Variants in RABGAP1L observed in about 807,000 individuals in gnomAD.
The protein encoded by RABGAP1L is rab GTPase-activating protein 1-like.
Under a neutral mutation model 137.7 loss-of-function variants are expected in RABGAP1L, and 63 were observed. The observed-to-expected ratio is 0.46, with a 90% CI of 0.37 to 0.56. RABGAP1L has a LOEUF of 0.56. Among genes scored for constraint, RABGAP1L ranks in the 20% least tolerant of loss-of-function variants. RABGAP1L has a pLI of 0.00. For missense variants in RABGAP1L, 1,095 were observed against 1,244.0 expected (o/e 0.88, Z 1.80); for synonymous variants, 431 against 433.7 (o/e 0.99, Z 0.08).
chr1:174,550,889 TATATATACACACACAC>T (rs1315724525), intron 13 of RABGAP1L, among the ~76,000 whole-genome samples: 1 of 87,038 alleles, frequency 1.1e-5, no homozygotes, highest in Non-Finnish European at 1.9e-5. Flanking sequence ...TATATATATA[TATATATACACACACAC>T]ATATACACAC....
At position 174,551,003 on chromosome 1, in the gene RABGAP1L, T is replaced by C. The variant is rs561652587; in HGVS notation, c.1711-86372T>C. On this transcript the variant is annotated intron_variant, in intron 13 of 25. Coordinates refer to ENST00000681986, the MANE Select transcript of RABGAP1L (RefSeq NM_001366446.1). ...ATATACATATATATATATACACATA[T>C]ATATATATATATATATATACATACA... Among the ~76,000 whole-genome samples the C allele has an allele frequency of 3.7e-4, 42 of 114,358 alleles. 1 individual carries two copies. Among genetic ancestry groups the C allele is most frequent in the South Asian group, 1.9e-3 (7 of 3,658 alleles). 75.0% of individuals were successfully genotyped at this position (114,358 alleles called of 152,430 possible).
rs567123450 is a variant in RABGAP1L, at chr1:174,270,141, A to T, written c.987-2273A>T. ...TTTCCTGTTTGCTAGAAGAGGGAGC[A>T]GAGTCCCAGGGGGTTAGGTGCTTTC... On this transcript the variant is annotated intron_variant, in intron 7 of 25. Coordinates refer to ENST00000681986, the MANE Select transcript of RABGAP1L (RefSeq NM_001366446.1). 6.6e-5 allele frequency among the ~76,000 whole-genome samples: 10 copies of T among 151,762 alleles called. No individual in the cohort carries two copies. In the South Asian group the frequency reaches 2.1e-3, roughly 32 times the overall value.
chr1:174,931,990 G>GTTTTTTTTTTTTTTTTTTT (rs532860564), intron 19 of RABGAP1L, among the ~76,000 whole-genome samples: 2 of 69,644 alleles, frequency 2.9e-5, no homozygotes, highest in Non-Finnish European at 5.4e-5. Flanking sequence ...TGCTTTTTTG[G>GTTTTTTTTTTTTTTTTTTT]TTTTTTTTTT....
At chr1:174,779,927 G>A (rs968868367) in intron 18 of RABGAP1L, among the ~76,000 whole-genome samples, 2 of 151,924 alleles carry the variant, frequency 1.3e-5, no homozygotes, top group African/African-American at 2.4e-5. Context: ...TTAGCTTGGT[G>A]TGGTGGGAGG....
At chr1:174,354,674 A>G (rs992837059) in intron 11 of RABGAP1L, among the ~76,000 whole-genome samples, 2 of 152,000 alleles carry the variant, frequency 1.3e-5, no homozygotes, top group Non-Finnish European at 2.9e-5. Context: ...ATTAGATCCC[A>G]TTTGTCAATT....
chr1:174,348,173 T>G (rs1682628064), intron 11 of RABGAP1L, among the ~76,000 whole-genome samples: 1 of 151,790 alleles, frequency 6.6e-6, no homozygotes, highest in Admixed American at 6.5e-5. Context: ...TTGTATGTTT[T>G]TTGACTTGAG....
chr1:174,851,443 A>G (rs945068863), intron 19 of RABGAP1L, among the ~76,000 whole-genome samples: 4 of 59,100 alleles, frequency 6.8e-5, no homozygotes, highest in Non-Finnish European at 2.0e-4. Context: ...TGAATTTTTT[A>G]TATCTGTCTC....
chr1:174,349,912 A>AC lies in RABGAP1L; in HGVS notation c.1466-21058dup, dbSNP rs556375925. Among the ~76,000 whole-genome samples, 119 of 64,982 alleles carry AC rather than the reference A, an allele frequency of 1.8e-3. 1 individual carries two copies. Among genetic ancestry groups the AC allele is most frequent in the African/African-American group, 4.8e-3 (80 of 16,824 alleles). 42.6% of individuals were successfully genotyped at this position (64,982 alleles called of 152,430 possible). A position where few individuals can be genotyped will look rare whatever the true frequency, so the allele number is the denominator to read the frequency against. ...GGGCGGCTGGCCAGGTGGGGGGCTG[A>AC]CCCCCCCCCACCTCCCTCCCGGACG... On this transcript the variant is annotated intron_variant, in intron 11 of 25. Transcript: ENST00000681986.
chr1:174,170,671 C>CAAAA (rs35800051), intron 1 of RABGAP1L, among the ~76,000 whole-genome samples: 3 of 85,376 alleles, frequency 3.5e-5, no homozygotes, highest in African/African-American at 4.1e-5. Flanking sequence ...GACGCTGTTT[C>CAAAA]AAAAAAAAAA....
chr1:174,796,069 A>G (rs1351517702), intron 18 of RABGAP1L, among the ~76,000 whole-genome samples: 1 of 152,246 alleles, frequency 6.6e-6, no homozygotes, highest in East Asian at 1.9e-4. Context: ...TCTATGGGTG[A>G]TTCATCCAAA....
intron 13 of RABGAP1L, among the ~76,000 whole-genome samples, chr1:174,549,718 A>G (rs371877506): frequency 3.9e-5 from 6 of 152,366 alleles, no homozygotes; most frequent in African/African-American, 1.2e-4. Context: ...TACAAATAGT[A>G]TAGAAGAATT....
chr1:174,257,643 A>G (rs1673238840), intron 7 of RABGAP1L, among the ~76,000 whole-genome samples: 1 of 152,204 alleles, frequency 6.6e-6, no homozygotes, highest in South Asian at 2.1e-4. Flanking sequence ...TTTCCAGAGC[A>G]CATTATGTCA....
At chr1:174,897,035 T>A (rs1657320524) in intron 19 of RABGAP1L, 1 of 152,238 alleles carries the variant, frequency 6.6e-6, no homozygotes, top group South Asian at 2.1e-4. Context: ...TTGGGCAGTA[T>A]GGCCATTTTC....
In RABGAP1L at chr1:174,313,857, T is replaced by C. The variant is rs116511482; in HGVS notation, c.1465+8730T>C. On this transcript the variant is annotated intron_variant, in intron 11 of 25. Coordinates refer to ENST00000681986, the MANE Select transcript of RABGAP1L (RefSeq NM_001366446.1). ...CCTGCATCCCAGGGATAAATCTCAA[T>C]TGGTCATCATGAATGATCTTTCTAT... is the stretch of plus-strand genomic sequence containing the variant. Among the ~76,000 whole-genome samples the C allele has an allele frequency of 4.4e-3, 673 of 152,320 alleles. 8 individuals are homozygous for C. Among genetic ancestry groups the C allele is most frequent in the African/African-American group, 0.015 (632 of 41,582 alleles).
chr1:174,883,249 TA>T (rs1654542654), intron 19 of RABGAP1L, among the ~76,000 whole-genome samples: 1 of 152,224 alleles, frequency 6.6e-6, no homozygotes. Context: ...ATAATAGTAT[TA>T]CCTCATTGGA....
intron 12 of RABGAP1L, among the ~76,000 whole-genome samples, chr1:174,388,932 C>T (rs1256179881): frequency 2.0e-5 from 3 of 152,000 alleles, no homozygotes; most frequent in Non-Finnish European, 4.4e-5. Flanking sequence ...ATCAAAATTT[C>T]TGTAATTCCA....
chr1:174,618,441 A>G (rs913991647), intron 13 of RABGAP1L, among the ~76,000 whole-genome samples: 8 of 152,198 alleles, frequency 5.3e-5, no homozygotes, highest in African/African-American at 1.9e-4. Flanking sequence ...CTCTGAGACA[A>G]AACTTCCAGA....
intron 14 of RABGAP1L, among the ~76,000 whole-genome samples, chr1:174,673,839 C>G (rs1459464590): frequency 6.6e-6 from 1 of 152,076 alleles, no homozygotes; most frequent in African/African-American, 2.4e-5. Context: ...ATGTCAAATG[C>G]TAACTCAATA....
At chr1:174,665,881 TAATA>T (rs2148433615) in intron 14 of RABGAP1L, among the ~76,000 whole-genome samples, 1 of 152,376 alleles carries the variant, frequency 6.6e-6, no homozygotes, top group Non-Finnish European at 1.5e-5. Context: ...TAGTAGTAAC[TAATA>T]AATAAATGTT....
Sources: gnomAD v4.1 joint callset for allele counts (sites outside exome capture counted in the v4.1 genomes callset) on GRCh38, gnomAD v4.1.1 for gene constraint, MANE v1.5 for transcripts, NCBI Gene and HGNC (gene_info 2026-07-23, HGNC 2026-07-21) for gene names.